Variants in CDO1 observed in about 807,000 individuals in gnomAD.
CDO1 encodes cysteine dioxygenase type 1.
CDO1 carries 19 observed loss-of-function variants against 24.5 expected under a neutral mutation model. That is an observed-to-expected ratio of 0.77 (90% CI 0.54 to 1.14). The LOEUF (loss-of-function observed/expected upper bound fraction) is 1.14, where lower values mean the gene tolerates loss of function less well. Among genes scored for constraint, CDO1 ranks in the 50% most tolerant of loss-of-function variants. CDO1 has a pLI of 0.00. For missense variants in CDO1, 244 were observed against 244.8 expected (o/e 1.00, Z 0.02); for synonymous variants, 91 against 87.0 (o/e 1.05, Z -0.26).
intron 4 of CDO1, among the ~76,000 whole-genome samples, chr5:115,805,948 GCAAACAAAACAGA>G (rs1429100475): frequency 6.6e-6 from 1 of 152,082 alleles, no homozygotes; most frequent in Non-Finnish European, 1.5e-5. Flanking sequence ...AGCAACATTG[GCAAACAAAACAGA>G]CAATTTGCTT....
At chr5:115,815,977 C>T (rs1009357111) in intron 1 of CDO1, among the ~76,000 whole-genome samples, 1 of 152,242 alleles carries the variant, frequency 6.6e-6, no homozygotes, top group African/African-American at 2.4e-5. Context: ...GGCCTCCCTT[C>T]CCGGCGCCTG....
rs1759939900 is a variant in CDO1, at chr5:115,806,262, A to C, written c.573+87T>G. The C allele has an allele frequency of 3.7e-6, 3 of 820,040 alleles. No homozygotes were observed. The South Asian group carries it at 6.3e-5, about 17-fold the overall frequency. 50.8% of individuals were successfully genotyped at this position (820,040 alleles called of 1,614,324 possible). On this transcript the variant is annotated intron_variant, in intron 4 of 4. Transcript: ENST00000250535. ...CAAGATATATTGGGCCTTATCCATGAATTAAGACTCATCTCATTCTTTGCA... is the reference window on the plus strand; with the variant it reads ...CAAGATATATTGGGCCTTATCCATGCATTAAGACTCATCTCATTCTTTGCA...
At chr5:115,815,859 T>C (rs377068099) in intron 1 of CDO1, among the ~76,000 whole-genome samples, 97 of 152,334 alleles carry the variant, frequency 6.4e-4, no homozygotes, top group African/African-American at 2.1e-3. Context: ...TAACGATGGC[T>C]TGGGAGTGTG....
At position 115,816,185 on chromosome 5, in the gene CDO1, G is replaced by C. The variant is rs760748141; in HGVS notation, c.170+43C>G. ...CCCACGTCCATTCCTCCTCAGACGG[G>C]GCGAGTGGGCGCCGCCTGGCATTGA... On this transcript the variant is annotated intron_variant, in intron 1 of 4. Coordinates refer to ENST00000250535, the MANE Select transcript of CDO1 (RefSeq NM_001801.3). 3 of 1,593,198 alleles carry C rather than the reference G, an allele frequency of 1.9e-6. No homozygotes were observed. In the South Asian group the frequency reaches 3.4e-5, roughly 18 times the overall value.
At position 115,805,113 on chromosome 5, in the gene CDO1, G is replaced by T. The variant is rs1759880322; in HGVS notation, c.*320C>A. On this transcript the variant is annotated 3_prime_UTR_variant, in exon 5 of 5. Coordinates refer to ENST00000250535, the MANE Select transcript of CDO1 (RefSeq NM_001801.3). Reference sequence around the variant, plus strand: ...TGCTAATTACAGTTCAGAGACCAAAGTATTTCCAAAAGCTATGAAAACCCT... The same window carrying T: ...TGCTAATTACAGTTCAGAGACCAAATTATTTCCAAAAGCTATGAAAACCCT... The T allele has an allele frequency of 3.6e-6, 1 of 278,158 alleles. No individual in the cohort carries two copies. The highest frequency in any genetic ancestry group is 6.6e-6 in the Non-Finnish European group (1 of 150,774). 17.2% of individuals were successfully genotyped at this position (278,158 alleles called of 1,614,324 possible). A position where few individuals can be genotyped will look rare whatever the true frequency, so the allele number is the denominator to read the frequency against.
chr5:115,808,519 A>AT (rs1223098745), intron 3 of CDO1, among the ~76,000 whole-genome samples: 2 of 152,132 alleles, frequency 1.3e-5, no homozygotes, highest in African/African-American at 2.4e-5. Context: ...TCAACCAAGA[A>AT]TGAAAAAAAA....
In CDO1 at chr5:115,815,711, C is replaced by T. The variant is rs541891496; in HGVS notation, c.170+517G>A. 3.5e-4 allele frequency among the ~76,000 whole-genome samples: 54 copies of T among 152,320 alleles called. No individual in the cohort carries two copies. The East Asian group carries it at 0.01, about 29-fold the overall frequency. Reference sequence around the variant, plus strand: ...ACTGACGCGGGTGACTTGTCTTCTTCAACATCACACACTTCTCCCGATGGC... The same window carrying T: ...ACTGACGCGGGTGACTTGTCTTCTTTAACATCACACACTTCTCCCGATGGC... On this transcript the variant is annotated intron_variant, in intron 1 of 4. Coordinates refer to ENST00000250535, the MANE Select transcript of CDO1 (RefSeq NM_001801.3).
In CDO1 at chr5:115,805,210, T is replaced by TA. The variant is rs1445307139; in HGVS notation, c.*222dup. On this transcript the variant is annotated 3_prime_UTR_variant, in exon 5 of 5. Coordinates refer to ENST00000250535, the MANE Select transcript of CDO1 (RefSeq NM_001801.3). ...ATGAGAGCACTTGAAAACTTGCCTT[T>TA]AAAAATCACAAGACTTTCTTTTCCT... is the stretch of plus-strand genomic sequence containing the variant. 3 of 479,212 alleles carry TA rather than the reference T, an allele frequency of 6.3e-6. No individual in the cohort carries two copies. The Admixed American group carries it at 1.1e-4, about 18-fold the overall frequency. The allele number at this position is 479,212 out of a possible 1,614,324, so 29.7% of individuals were successfully genotyped here.
chr5:115,806,484 G>A lies in CDO1; in HGVS notation c.438C>T (p.Ser146=), dbSNP rs1164987980. The change falls in exon 4 of 5, where the codon AGC becomes AGT. Residue 146 remains serine (S), a synonymous_variant. Transcript: ENST00000250535. ...SIGLHRVENI[S]HTEPAVSLHL... is the part of the protein sequence containing the mutation. ...GAAGGCTCACAGCAGGTTCCGTATG[G>A]CTGATGTTCTCTACTCGATGTAAGC... The A allele has an allele frequency of 4.3e-6, 7 of 1,610,806 alleles. No homozygotes were observed. Among genetic ancestry groups the A allele is most frequent in the Non-Finnish European group, 5.9e-6 (7 of 1,178,908 alleles).
At chr5:115,814,335 T>C (rs1760330995) in intron 1 of CDO1, 1 of 152,244 alleles carries the variant, frequency 6.6e-6, no homozygotes, top group East Asian at 1.9e-4. Flanking sequence ...TAATTCTTCC[T>C]CCAGAAGTCT....
intron 3 of CDO1, among the ~76,000 whole-genome samples, chr5:115,808,534 G>A (rs961126075): frequency 5.3e-5 from 8 of 152,074 alleles, no homozygotes; most frequent in Non-Finnish European, 8.8e-5. Flanking sequence ...AAAAAATCAT[G>A]AGATCAGTAA....
At chr5:115,806,933 G>A (rs562469177) in intron 3 of CDO1, among the ~76,000 whole-genome samples, 1 of 152,294 alleles carries the variant, frequency 6.6e-6, no homozygotes, top group African/African-American at 2.4e-5. Context: ...AGGTACTTCT[G>A]GAAATGAGGG....
Position 115,813,258 on chromosome 5 carries a change from C to T in CDO1, c.171G>A (p.Arg57=), listed in dbSNP as rs561074403. 2.6e-6 allele frequency: 4 copies of T among 1,544,456 alleles called. No individual in the cohort carries two copies. In the South Asian group the frequency reaches 4.5e-5, roughly 17 times the overall value. ...WAMYAKFDQY[R]YTRNLVDQGN... ...CTTGATCCACAAGATTTCGGGTATA[C>T]CTAAAAAAAAACAATATATTCAGAA... The change falls in exon 2 of 5, where the codon AGG becomes AGA. Residue 57 remains arginine, a splice_region_variant and synonymous_variant. Coordinates refer to ENST00000250535, the MANE Select transcript of CDO1 (RefSeq NM_001801.3).
intron 1 of CDO1, among the ~76,000 whole-genome samples, chr5:115,815,238 G>C (rs1025435768): frequency 6.6e-6 from 1 of 152,068 alleles, no homozygotes; most frequent in Admixed American, 6.6e-5. Context: ...AAACCACAAA[G>C]ACTGACGCAC....
chr5:115,806,251 C>A, intron 4 of CDO1, 98 bp downstream of exon 4: 1 of 686,738 alleles, frequency 1.5e-6, no homozygotes, highest in Non-Finnish European at 2.3e-6. Flanking sequence ...ATATATTGGG[C>A]CTTATCCATG....
chr5:115,805,600 TA>T, intron 4 of CDO1, 138 bp from the exon 5 acceptor site: 2 of 705,032 alleles, frequency 2.8e-6, no homozygotes, highest in South Asian at 1.9e-5. Context: ...TTTCCCGCAA[TA>T]AGAATATCTC....
chr5:115,811,424 C>T (rs1760184506), intron 2 of CDO1, 109 bp from the exon 3 acceptor site: 15 of 717,028 alleles, frequency 2.1e-5, no homozygotes, highest in Non-Finnish European at 3.4e-5. Context: ...AAGCTATCTC[C>T]CCAGCCAAAA....
At chr5:115,808,606 T>G (rs754506694) in intron 3 of CDO1, among the ~76,000 whole-genome samples, 7 of 152,132 alleles carry the variant, frequency 4.6e-5, no homozygotes, top group Admixed American at 2.6e-4. Context: ...AGCCTTACAT[T>G]GTAAGGAATC....
rs1318896498 is a variant in CDO1, at chr5:115,805,281, C to T, written c.*152G>A. The T allele has an allele frequency of 1.6e-6, 1 of 615,376 alleles. No individual in the cohort carries two copies. Among genetic ancestry groups the T allele is most frequent in the Non-Finnish European group, 2.9e-6 (1 of 350,626 alleles). 38.1% of individuals were successfully genotyped at this position (615,376 alleles called of 1,614,324 possible). ...AGTAGCTGAGGGCACTATTTGCTTA[C>T]TTAATGCCTTATAATTAGCATCTGC... On this transcript the variant is annotated 3_prime_UTR_variant, in exon 5 of 5. Transcript: ENST00000250535.
Sources: allele counts gnomAD v4.1 joint callset (sites outside exome capture counted in the v4.1 genomes callset), GRCh38; gene constraint gnomAD v4.1.1; transcripts MANE v1.5; gene names NCBI Gene and HGNC (gene_info 2026-07-23, HGNC 2026-07-21).